The following RIC1 variants were observed in gnomAD, a reference collection of about 807,000 sequenced individuals.
The protein encoded by RIC1 is guanine nucleotide exchange factor subunit RIC1.
In RIC1, 88 loss-of-function variants were observed where a neutral mutation model predicts 169.0. The ratio of observed to expected loss-of-function variants is 0.52; its 90% confidence interval spans 0.44 to 0.62. The LOEUF is 0.62. RIC1 is among the 20% of genes least tolerant of loss of function. The probability of loss-of-function intolerance (pLI) is 0.00; values close to 1 mark genes in which losing one functional copy is unlikely to be tolerated. For synonymous variants in RIC1, 790 were observed against 601.5 expected (o/e 1.31, Z -4.59); for missense variants, 1,877 against 1,725.5 (o/e 1.09, Z -1.56).
intron 2 of RIC1, among the ~76,000 whole-genome samples, chr9:5,687,401 A>G (rs114447585): frequency 0.013 from 2,040 of 152,142 alleles, 54 homozygotes; most frequent in African/African-American, 0.047. Context: ...CGTTTGCTCT[A>G]GTTTAATTTG....
chr9:5,705,925 A>G (rs1395251711), intron 3 of RIC1, among the ~76,000 whole-genome samples: 1 of 152,050 alleles, frequency 6.6e-6, no homozygotes, highest in Non-Finnish European at 1.5e-5. Context: ...CCTTCATTCT[A>G]TTAATATGAT....
chr9:5,719,731 T>C (rs1369851975), intron 4 of RIC1, among the ~76,000 whole-genome samples: 1 of 152,244 alleles, frequency 6.6e-6, no homozygotes, highest in African/African-American at 2.4e-5. Context: ...AGCTACTGTT[T>C]ACAGATAGCA....
At chr9:5,719,844 G>A (rs1823481762) in intron 4 of RIC1, among the ~76,000 whole-genome samples, 1 of 152,104 alleles carries the variant, frequency 6.6e-6, no homozygotes, top group African/African-American at 2.4e-5. Context: ...ACTGTTATTA[G>A]TTGGGTTTAT....
chr9:5,768,602 T>A (rs1396084523), intron 21 of RIC1, among the ~76,000 whole-genome samples: 1 of 152,198 alleles, frequency 6.6e-6, no homozygotes, highest in Non-Finnish European at 1.5e-5. Context: ...TCACTTTGCC[T>A]CTCTATCCTT....
At chr9:5,679,717 T>C (rs1334578897) in intron 2 of RIC1, among the ~76,000 whole-genome samples, 5 of 152,234 alleles carry the variant, frequency 3.3e-5, no homozygotes, top group Admixed American at 2.0e-4. Context: ...CTGAAGTTGC[T>C]TATCAGCTTA....
rs192537376 is a variant in RIC1, at chr9:5,709,942, G to A, written c.333-3954G>A. Reference sequence around the variant, plus strand: ...AGAATATTCATATAAAGAAAAACACGGTTTCCAGTTTTAAGATAGGTAATG... The same window carrying A: ...AGAATATTCATATAAAGAAAAACACAGTTTCCAGTTTTAAGATAGGTAATG... On this transcript the variant is annotated intron_variant, in intron 3 of 25. Coordinates refer to ENST00000414202, the MANE Select transcript of RIC1 (RefSeq NM_020829.4). 2.5e-4 allele frequency among the ~76,000 whole-genome samples: 38 copies of A among 152,146 alleles called. No homozygotes were observed. In the East Asian group the frequency reaches 4.6e-3, roughly 19 times the overall value.
downstream of RIC1, chr9:5,776,597 ATCATCTTT>A: frequency 6.6e-6 from 1 of 152,170 alleles, no homozygotes; most frequent in Admixed American, 6.5e-5. Flanking sequence ...AGCCACGAAA[ATCATCTTT>A]TCATTATATA....
intron 2 of RIC1, among the ~76,000 whole-genome samples, chr9:5,688,243 G>C (rs1019100434): frequency 1.3e-5 from 2 of 152,132 alleles, no homozygotes; most frequent in African/African-American, 4.8e-5. Flanking sequence ...GGACTCTTCA[G>C]CTTCTTCTCA....
chr9:5,685,509 A>G (rs1821164520), intron 2 of RIC1, among the ~76,000 whole-genome samples: 2 of 149,642 alleles, frequency 1.3e-5, no homozygotes, highest in African/African-American at 4.9e-5. Flanking sequence ...AAACCTGAGA[A>G]AAACAAGCAA....
chr9:5,690,701 T>C (rs1266840984), intron 3 of RIC1, among the ~76,000 whole-genome samples: 3 of 151,890 alleles, frequency 2.0e-5, no homozygotes, highest in Non-Finnish European at 4.4e-5. Flanking sequence ...GTGTGAAAAG[T>C]TTAAATTTTT....
intron 8 of RIC1, among the ~76,000 whole-genome samples, chr9:5,738,781 G>T (rs964506808): frequency 4.0e-5 from 6 of 151,866 alleles, no homozygotes; most frequent in African/African-American, 9.7e-5. Context: ...AATTAAGTGG[G>T]AATGCAGTAG....
At chr9:5,650,052 T>A (rs577637657) in intron 1 of RIC1, among the ~76,000 whole-genome samples, 43 of 152,134 alleles carry the variant, frequency 2.8e-4, no homozygotes, top group Non-Finnish European at 4.4e-4. Context: ...GGTAGGCCAG[T>A]CCTTGGGCAC....
chr9:5,643,907 C>A (rs1185638257), intron 1 of RIC1, among the ~76,000 whole-genome samples: 3 of 152,194 alleles, frequency 2.0e-5, no homozygotes, highest in Admixed American at 2.0e-4. Context: ...TGGTTGGAAT[C>A]AGAGAGGTTT....
chr9:5,704,042 G>T (rs938976668), intron 3 of RIC1, among the ~76,000 whole-genome samples: 11 of 147,884 alleles, frequency 7.4e-5, no homozygotes, highest in Admixed American at 1.3e-4. Flanking sequence ...TATTTTCTGG[G>T]TTTTTTTTTT....
chr9:5,726,706 C>T (rs1424812604), intron 6 of RIC1, among the ~76,000 whole-genome samples: 1 of 152,136 alleles, frequency 6.6e-6, no homozygotes, highest in Non-Finnish European at 1.5e-5. Flanking sequence ...TGTTCCTTTC[C>T]ATATTTAGTG....
In RIC1 at chr9:5,763,358, C is replaced by T. The variant is rs766850507; in HGVS notation, c.2331C>T (p.Tyr777=). 17 of 1,614,156 alleles carry T rather than the reference C, an allele frequency of 1.1e-5. 1 individual carries two copies. In the South Asian group the frequency reaches 1.5e-4, roughly 15 times the overall value. Residue 777 remains tyrosine, a synonymous_variant, in exon 19 of 26, where the codon TAC becomes TAT. Coordinates refer to ENST00000414202, the MANE Select transcript of RIC1 (RefSeq NM_020829.4). This position sits in a 1 kb window ranked among gnomAD's most constrained non-coding sequence, Gnocchi z 5.2. ...RIMLPFHINI[Y]PLAVLFEDAL... ...TGCTGCCTTTCCACATCAACATTTA[C>T]CCGCTAGCTGTTCTGTTTGAAGATG... is the stretch of plus-strand genomic sequence containing the variant.
At chr9:5,689,215 A>AT (rs1033485601) in intron 2 of RIC1, among the ~76,000 whole-genome samples, 4 of 151,394 alleles carry the variant, frequency 2.6e-5, no homozygotes, top group Admixed American at 6.6e-5. Flanking sequence ...CGCCCGGCTA[A>AT]TTTTTTTGTA....
intron 1 of RIC1, among the ~76,000 whole-genome samples, chr9:5,652,657 G>C (rs188201588): frequency 6.6e-6 from 1 of 151,196 alleles, no homozygotes; most frequent in African/African-American, 2.4e-5. Context: ...GTGTTAATTT[G>C]ACTTCTCCTT....
intron 17 of RIC1, among the ~76,000 whole-genome samples, chr9:5,759,348 T>G (rs1205252282): frequency 6.6e-6 from 1 of 152,174 alleles, no homozygotes; most frequent in East Asian, 1.9e-4. Flanking sequence ...AAATCAAGTA[T>G]AGAGAGTCAT....
Sources: gnomAD v4.1 joint callset for allele counts (sites outside exome capture counted in the v4.1 genomes callset) on GRCh38, gnomAD v4.1.1 for gene constraint, Gnocchi (gnomAD v3.1) non-coding constraint, MANE v1.5 for transcripts, NCBI Gene and HGNC (gene_info 2026-07-23, HGNC 2026-07-21) for gene names.